SRSF5: variants seen among roughly 807,000 people sequenced by gnomAD.
SRSF5 encodes serine and arginine rich splicing factor 5, also known as serine/arginine-rich splicing factor 5.
SRSF5 carries 5 observed loss-of-function variants against 34.0 expected under a neutral mutation model. That is an observed-to-expected ratio of 0.15 (90% CI 0.08 to 0.31). SRSF5 has a LOEUF of 0.31. Ranked by LOEUF, SRSF5 falls within the 10% of genes least tolerant of loss-of-function variation. The probability of loss-of-function intolerance (pLI) is 1.00; values close to 1 mark genes in which losing one functional copy is unlikely to be tolerated. For missense variants in SRSF5, 223 were observed against 351.4 expected (o/e 0.63, Z 2.92); for synonymous variants, 164 against 117.7 (o/e 1.39, Z -2.55).
In SRSF5 at chr14:69,770,475, A is replaced by G. The variant is rs1883071071; in HGVS notation, c.375A>G (p.Lys125=). 1.9e-6 allele frequency: 3 copies of G among 1,613,898 alleles called. No individual in the cohort carries two copies. In the South Asian group the frequency reaches 3.3e-5, roughly 18 times the overall value. The change falls in exon 6 of 8, where the codon AAA becomes AAG. Residue 125 remains lysine (K), a synonymous_variant. Transcript: ENST00000557154. Reference sequence around the variant, plus strand: ...AATTATCTTGTGTTAAGGATCTCAAAGATTTCATGAGACAAGCTGGGGAAG... The same window carrying G: ...AATTATCTTGTGTTAAGGATCTCAAGGATTTCATGAGACAAGCTGGGGAAG... ...LSSRVSWQDL[K]DFMRQAGEVT...
In SRSF5 at chr14:69,771,012, C is replaced by G; in HGVS notation, c.458C>G (p.Ser153Cys). Residue 153 changes from serine (S) to cysteine (C), a missense_variant, in exon 7 of 8, where the codon TCT becomes TGT. By Grantham distance (112) the Ser-to-Cys change is moderately radical. This residue lies in a region of SRSF5 where 37 missense variants were observed against 96.7 expected (regional missense o/e 0.38). Transcript: ENST00000557154. ...KLNEGVVEFA[S>C]YGDLKNAIEK... ...CATTTTAGGGTGGTTGAGTTTGCCT[C>G]TTATGGTGACTTAAAGAATGCTATT... 1.2e-6 allele frequency: 2 copies of G among 1,613,180 alleles called. No homozygotes were observed. Among genetic ancestry groups the G allele is most frequent in the Non-Finnish European group, 1.7e-6 (2 of 1,179,810 alleles).
intron 1 of SRSF5, 101 bp from the exon 2 acceptor site, chr14:69,768,037 A>T: frequency 2.2e-6 from 3 of 1,340,506 alleles, no homozygotes; most frequent in Non-Finnish European, 3.1e-6. Context: ...TCATAACATC[A>T]CTGTGTAAAC....
intron 6 of SRSF5, chr14:69,770,791 G>T: frequency 1.6e-6 from 1 of 643,968 alleles, no homozygotes. Context: ...ATCCCACGGT[G>T]CATAGGGAAC....
At chr14:69,769,750 T>G in intron 5 of SRSF5, 1 of 1,377,074 alleles carries the variant, frequency 7.3e-7, no homozygotes, top group Middle Eastern at 2.4e-4. Flanking sequence ...AGACCTGTCT[T>G]CCTGTAACGC....
chr14:69,771,548 A>T lies in SRSF5; in HGVS notation c.*87A>T. On this transcript the variant is annotated 3_prime_UTR_variant, in exon 8 of 8. Coordinates refer to ENST00000557154, the MANE Select transcript of SRSF5 (RefSeq NM_001320214.2). ...ACCATACTTGCTAAAAATTCTGGTAAGTATGTGCTTTTCTGTGGGGGTGGG... is the reference window on the plus strand; with the variant it reads ...ACCATACTTGCTAAAAATTCTGGTATGTATGTGCTTTTCTGTGGGGGTGGG... 2.5e-4 allele frequency: 233 copies of T among 934,050 alleles called. No individual in the cohort carries two copies. The highest frequency in any genetic ancestry group is 3.1e-4 in the Non-Finnish European group (202 of 645,374). 57.9% of individuals were successfully genotyped at this position (934,050 alleles called of 1,614,324 possible). A position where few individuals can be genotyped will look rare whatever the true frequency, so the allele number is the denominator to read the frequency against.
In SRSF5 at chr14:69,768,594, T is replaced by A. The variant is rs747129018; in HGVS notation, c.127-10T>A. 1 of 1,613,828 alleles carries A rather than the reference T, an allele frequency of 6.2e-7. No homozygotes were observed. ...AAGCCAATGTTAAGAGTCTTATGCT[T>A]ACATTTTAGGAATTTGAGGATCCAA... is the stretch of plus-strand genomic sequence containing the variant. On this transcript the variant is annotated splice_polypyrimidine_tract_variant and intron_variant, in intron 2 of 7. Coordinates refer to ENST00000557154, the MANE Select transcript of SRSF5 (RefSeq NM_001320214.2).
chr14:69,770,068 A>G, intron 5 of SRSF5: 2 of 1,025,916 alleles, frequency 1.9e-6, no homozygotes, highest in Non-Finnish European at 1.2e-6. Flanking sequence ...TTAATGACAT[A>G]TGGGGCACAA....
chr14:69,771,345 G>C lies in SRSF5; in HGVS notation c.703G>C (p.Val235Leu). Residue 235 changes from valine (V) to leucine (L), a missense_variant, in exon 8 of 8, where the codon GTG (valine) becomes CTG (leucine). Val to Leu is a conservative substitution (Grantham distance 32). This residue lies in a region of SRSF5 where 115 missense variants were observed against 119.7 expected (regional missense o/e 0.96). Transcript: ENST00000557154. ...GTCCCGTTCTGTTAGTAGGTCTCCC[G>C]TGCCTGAGAAGAGCCAGAAACGTGG... ...SKSRSVSRSP[V>L]PEKSQKRGSS... 6.2e-7 allele frequency: 1 copy of C among 1,614,178 alleles called. No homozygotes were observed. The highest frequency in any genetic ancestry group is 8.5e-7 in the Non-Finnish European group (1 of 1,180,042).
At chr14:69,770,349 C>T in intron 5 of SRSF5, 118 bp from the exon 6 acceptor site, 5 of 1,464,912 alleles carry the variant, frequency 3.4e-6, no homozygotes, top group Non-Finnish European at 4.5e-6. Context: ...GTGGTAAATG[C>T]CATGTTTGTA....
At chr14:69,769,518 G>A in intron 5 of SRSF5, 1 of 1,535,434 alleles carries the variant, frequency 6.5e-7, no homozygotes, top group South Asian at 1.2e-5. Context: ...CAGCCTGTCT[G>A]TGTCGTTGGC....
intron 5 of SRSF5, chr14:69,770,157 T>C (rs1352135936): frequency 9.2e-7 from 1 of 1,085,224 alleles, no homozygotes; most frequent in Non-Finnish European, 1.1e-6. Flanking sequence ...AAATATGTAC[T>C]GTTTCCTTTT....
rs374041886 is a variant in SRSF5, at chr14:69,771,407, T to G, written c.765T>G (p.Asp255Glu). 2 of 1,614,118 alleles carry G rather than the reference T, an allele frequency of 1.2e-6. No individual in the cohort carries two copies. Among genetic ancestry groups the G allele is most frequent in the African/African-American group, 2.7e-5 (2 of 74,930 alleles). ...GATCTAAGTCTCCAGCATCTGTGGA[T>G]CGCCAGAGGTCCCGGTCCCGATCAA... is the stretch of plus-strand genomic sequence containing the variant. Reference protein sequence around the residue: ...SSRSKSPASVDRQRSRSRSRS... With the variant: ...SSRSKSPASVERQRSRSRSRS... Residue 255 changes from aspartate (D) to glutamate (E), a missense_variant, in exon 8 of 8, where the codon GAT becomes GAG. Asp to Glu is a conservative substitution (Grantham distance 45). This residue lies in a region of SRSF5 where 115 missense variants were observed against 119.7 expected (regional missense o/e 0.96). Transcript: ENST00000557154.
intron 2 of SRSF5, 121 bp from the exon 3 acceptor site, chr14:69,768,479 GGTTT>G: frequency 8.2e-7 from 1 of 1,225,914 alleles, no homozygotes; most frequent in East Asian, 2.3e-5. Flanking sequence ...TCCTTGATTA[GGTTT>G]GACTGTATGG....
Position 69,768,595 on chromosome 14 carries a change from A to C in SRSF5, c.127-9A>C, listed in dbSNP as rs202215609. On this transcript the variant is annotated splice_polypyrimidine_tract_variant and intron_variant, in intron 2 of 7. Transcript: ENST00000557154. Reference sequence around the variant, plus strand: ...AGCCAATGTTAAGAGTCTTATGCTTACATTTTAGGAATTTGAGGATCCAAG... The same window carrying C: ...AGCCAATGTTAAGAGTCTTATGCTTCCATTTTAGGAATTTGAGGATCCAAG... 1.9e-6 allele frequency: 3 copies of C among 1,613,918 alleles called. No homozygotes were observed. Among genetic ancestry groups the C allele is most frequent in the Non-Finnish European group, 2.5e-6 (3 of 1,179,754 alleles).
At chr14:69,767,851 G>T (rs1385632249) in intron 1 of SRSF5, 3 of 388,048 alleles carry the variant, frequency 7.7e-6, no homozygotes, top group Non-Finnish European at 9.8e-6. Context: ...AACTGCGGCA[G>T]ATGGGAGGGG....
intron 5 of SRSF5, chr14:69,769,773 G>A: frequency 1.5e-6 from 2 of 1,358,018 alleles, no homozygotes; most frequent in Non-Finnish European, 1.9e-6. Context: ...CCGAATAAGA[G>A]GTCCGGTCGA....
At position 69,771,510 on chromosome 14, in the gene SRSF5, C is replaced by A; in HGVS notation, c.*49C>A. On this transcript the variant is annotated 3_prime_UTR_variant, in exon 8 of 8. Transcript: ENST00000557154. ...GCCTTTTTTTAAAAAACAAAAACCACAAAAATTCCCAAACCATACTTGCTA... is the reference window on the plus strand; with the variant it reads ...GCCTTTTTTTAAAAAACAAAAACCAAAAAAATTCCCAAACCATACTTGCTA... The A allele has an allele frequency of 2.0e-6, 3 of 1,512,098 alleles. No individual in the cohort carries two copies. Among genetic ancestry groups the A allele is most frequent in the Admixed American group, 2.0e-5 (1 of 50,368 alleles). 93.7% of individuals were successfully genotyped at this position (1,512,098 alleles called of 1,614,324 possible).
chr14:69,767,813 G>C (rs1016630151), intron 1 of SRSF5: 5 of 357,186 alleles, frequency 1.4e-5, no homozygotes, highest in East Asian at 7.7e-5. Flanking sequence ...GGCGCGGGCG[G>C]CTCCGCCCGC....
chr14:69,767,692 A>G (rs1882666731), intron 1 of SRSF5: 2 of 366,464 alleles, frequency 5.5e-6, no homozygotes, highest in Non-Finnish European at 5.4e-6. Context: ...TTGTGGCCGC[A>G]GAGCGCCCGC....
Sources: gnomAD v4.1 joint callset for allele counts on GRCh38, gnomAD v4.1.1 for gene constraint, gnomAD v4.1.1 regional missense constraint, MANE v1.5 for transcripts, NCBI Gene and HGNC (gene_info 2026-07-23, HGNC 2026-07-21) for gene names.